Variants in KCNJ6 observed in about 807,000 individuals in gnomAD.
KCNJ6 encodes the protein potassium inwardly rectifying channel subfamily J member 6.
In KCNJ6, 9 loss-of-function variants were observed where a neutral mutation model predicts 34.2. The ratio of observed to expected loss-of-function variants is 0.26; its 90% CI spans 0.16 to 0.46. The LOEUF (loss-of-function observed/expected upper bound fraction) is 0.46, where lower values mean the gene tolerates loss of function less well. Among genes scored for constraint, KCNJ6 ranks in the 20% least tolerant of loss-of-function variants. The pLI, the probability that KCNJ6 is intolerant of heterozygous loss-of-function variation, is 1.00. For missense variants in KCNJ6, 236 were observed against 531.3 expected (o/e 0.44, Z 5.46); for synonymous variants, 196 against 207.1 (o/e 0.95, Z 0.46).
intron 1 of KCNJ6, among the ~76,000 whole-genome samples, chr21:37,886,188 A>G (rs2055734696): frequency 6.6e-6 from 1 of 152,158 alleles, no homozygotes; most frequent in South Asian, 2.1e-4. Flanking sequence ...GGGTAGGGGA[A>G]AGCTTATATT....
intron 2 of KCNJ6, among the ~76,000 whole-genome samples, chr21:37,797,683 C>T (rs1304819885): frequency 3.9e-5 from 6 of 152,050 alleles, no homozygotes; most frequent in African/African-American, 7.2e-5. Context: ...CCTCACAACT[C>T]GGGGTTGCCT....
chr21:37,692,524 G>A (rs547450197), intron 3 of KCNJ6, among the ~76,000 whole-genome samples: 4 of 152,268 alleles, frequency 2.6e-5, no homozygotes, highest in East Asian at 1.9e-4. Flanking sequence ...GGAAACTGAC[G>A]GGAATGTGGG....
chr21:37,886,154 A>C (rs2055734476), intron 1 of KCNJ6, among the ~76,000 whole-genome samples: 1 of 152,186 alleles, frequency 6.6e-6, no homozygotes, highest in South Asian at 2.1e-4. Context: ...CTAGCCTGTT[A>C]ACCACAGCTC....
intron 2 of KCNJ6, among the ~76,000 whole-genome samples, chr21:37,806,737 A>G (rs1039386746): frequency 6.6e-6 from 1 of 152,230 alleles, no homozygotes; most frequent in African/African-American, 2.4e-5. Context: ...TGATCAATAG[A>G]ACAACGATAA....
At chr21:37,654,048 G>T (rs1366687118) in intron 3 of KCNJ6, among the ~76,000 whole-genome samples, 1 of 151,326 alleles carries the variant, frequency 6.6e-6, no homozygotes, top group African/African-American at 2.4e-5. Flanking sequence ...TATAAAGGCT[G>T]CCCTTGGGCA....
intron 1 of KCNJ6, among the ~76,000 whole-genome samples, chr21:37,846,119 G>C (rs1472863908): frequency 6.6e-6 from 1 of 152,088 alleles, no homozygotes; most frequent in Non-Finnish European, 1.5e-5. Context: ...TTTTCTGTCT[G>C]AACTTTATTC....
Position 37,692,877 on chromosome 21 carries a change from A to G in KCNJ6, c.946+21334T>C, listed in dbSNP as rs569602377. On this transcript the variant is annotated intron_variant, in intron 3 of 3. Coordinates refer to ENST00000609713, the MANE Select transcript of KCNJ6 (RefSeq NM_002240.5). ...TTCATTAAACTTAGAGCGAAAGGGT[A>G]GCATTAGATATGCTAAGCTTTACTC... Among the ~76,000 whole-genome samples the G allele has an allele frequency of 3.9e-5, 6 of 152,350 alleles. 1 individual carries two copies. Among genetic ancestry groups the G allele is most frequent in the Middle Eastern group, 6.8e-3 (2 of 294 alleles).
chr21:37,777,900 T>C (rs1052122045), intron 2 of KCNJ6, among the ~76,000 whole-genome samples: 5 of 152,198 alleles, frequency 3.3e-5, no homozygotes, highest in African/African-American at 9.6e-5. Flanking sequence ...AACATCACTC[T>C]TGACTGTGGT....
In KCNJ6 at chr21:37,615,163, C is replaced by T. The variant is rs1601387461; in HGVS notation, c.*9996G>A. ...CTGGGATCTTGTTAGGCCTGACTCC[C>T]ACAGTGTGGGCATGGTTCAGGGATT... On this transcript the variant is annotated 3_prime_UTR_variant, in exon 4 of 4. Coordinates refer to ENST00000609713, the MANE Select transcript of KCNJ6 (RefSeq NM_002240.5). 6.6e-6 allele frequency: 1 copy of T among 152,144 alleles called. No individual in the cohort carries two copies. Among genetic ancestry groups the T allele is most frequent in the Admixed American group, 6.5e-5 (1 of 15,278 alleles). 9.4% of individuals were successfully genotyped at this position (152,144 alleles called of 1,614,324 possible).
At chr21:37,874,239 C>T (rs79817283) in intron 1 of KCNJ6, among the ~76,000 whole-genome samples, 4 of 152,198 alleles carry the variant, frequency 2.6e-5, no homozygotes, top group Non-Finnish European at 5.9e-5. Context: ...GATCATCCCT[C>T]CCCCTTGAAA....
At chr21:37,793,267 A>T (rs4817889) in intron 2 of KCNJ6, among the ~76,000 whole-genome samples, 1 of 152,150 alleles carries the variant, frequency 6.6e-6, no homozygotes. Context: ...CATATGGAGG[A>T]ATGGTGCAGG....
intron 3 of KCNJ6, among the ~76,000 whole-genome samples, chr21:37,671,688 C>T (rs1248116038): frequency 6.6e-6 from 1 of 152,230 alleles, no homozygotes; most frequent in Admixed American, 6.5e-5. Flanking sequence ...CTGACACTGC[C>T]TGCAGGTAGA....
intron 1 of KCNJ6, among the ~76,000 whole-genome samples, chr21:37,853,145 T>TAAA (rs796751868): frequency 9.0e-6 from 1 of 111,118 alleles, no homozygotes; most frequent in African/African-American, 3.3e-5. Context: ...TTTTTCAAAT[T>TAAA]AAAAAAAAAA....
chr21:37,865,752 G>A (rs1012298821), intron 1 of KCNJ6, among the ~76,000 whole-genome samples: 2 of 152,158 alleles, frequency 1.3e-5, no homozygotes, highest in Non-Finnish European at 2.9e-5. Flanking sequence ...GGTGACTGGG[G>A]ACTTCAACAC....
chr21:37,669,957 G>A (rs4816576), intron 3 of KCNJ6, among the ~76,000 whole-genome samples: 73,052 of 152,024 alleles, frequency 0.48, 18,378 homozygotes, highest in African/African-American at 0.64. Context: ...AAGTCATGAA[G>A]ATTTACCCCT....
intron 2 of KCNJ6, among the ~76,000 whole-genome samples, chr21:37,723,849 C>T (rs981819040): frequency 2.0e-5 from 3 of 152,016 alleles, no homozygotes; most frequent in Non-Finnish European, 4.4e-5. Flanking sequence ...TACTCCAAAC[C>T]TCAGCATCAA....
chr21:37,838,252 C>A (rs149731946), intron 2 of KCNJ6, among the ~76,000 whole-genome samples: 3 of 152,050 alleles, frequency 2.0e-5, no homozygotes, highest in Non-Finnish European at 4.4e-5. Flanking sequence ...ACCAATAAAT[C>A]GATAGTCAGG....
intron 2 of KCNJ6, among the ~76,000 whole-genome samples, chr21:37,819,304 C>T (rs1169156015): frequency 3.3e-5 from 5 of 152,036 alleles, no homozygotes; most frequent in Non-Finnish European, 7.4e-5. Flanking sequence ...AGTTGTTTGT[C>T]ATTTTAGAAT....
intron 2 of KCNJ6, among the ~76,000 whole-genome samples, chr21:37,789,255 C>T (rs568923205): frequency 1.3e-5 from 2 of 152,312 alleles, no homozygotes; most frequent in Admixed American, 1.3e-4. Flanking sequence ...TTTACATGTT[C>T]AAGACTCAAC....
Sources: gnomAD v4.1 joint callset for allele counts (sites outside exome capture counted in the v4.1 genomes callset) on GRCh38, gnomAD v4.1.1 for gene constraint, MANE v1.5 for transcripts, NCBI Gene and HGNC (gene_info 2026-07-23, HGNC 2026-07-21) for gene names.